KLHDC2: variants seen among roughly 807,000 people sequenced by gnomAD.
KLHDC2 encodes kelch domain containing 2.
A neutral mutation model predicts 62.3 loss-of-function variants in KLHDC2; 38 were observed. The ratio of observed to expected loss-of-function variants is 0.61; its 90% CI spans 0.47 to 0.80. KLHDC2 has a LOEUF of 0.80. Ranked by LOEUF, KLHDC2 falls within the 30% of genes least tolerant of loss-of-function variation. The probability of loss-of-function intolerance (pLI) is 0.00; values close to 1 mark genes in which losing one functional copy is unlikely to be tolerated. For synonymous variants in KLHDC2, 159 were observed against 161.0 expected (o/e 0.99, Z 0.09); for missense variants, 430 against 495.3 (o/e 0.87, Z 1.25).
Position 49,780,050 on chromosome 14 carries a change from CAAAG to C in KLHDC2, c.774-159_774-156del, listed in dbSNP as rs1033363247. The C allele has an allele frequency of 6.4e-6, 4 of 623,126 alleles. No homozygotes were observed. The African/African-American group carries it at 7.4e-5, about 11-fold the overall frequency. The allele number at this position is 623,126 out of a possible 1,614,324, so 38.6% of individuals were successfully genotyped here. A position where few individuals can be genotyped will look rare whatever the true frequency, so the allele number is the denominator to read the frequency against. ...AAAGGTCTGAAGTTGATTCTAACGT[CAAAG>C]AAAATATTTCAGTATAAAGCATGTA... On this transcript the variant is annotated intron_variant, in intron 8 of 12. Transcript: ENST00000298307.
chr14:49,777,004 A>C (rs1889787000), intron 3 of KLHDC2, among the ~76,000 whole-genome samples: 1 of 152,054 alleles, frequency 6.6e-6, no homozygotes, highest in Non-Finnish European at 1.5e-5. Flanking sequence ...CCAAATGCCC[A>C]CCAATCAACA....
chr14:49,785,176 A>C lies in KLHDC2; in HGVS notation c.*2223A>C. The C allele has an allele frequency of 1.2e-6, 2 of 1,602,966 alleles. No homozygotes were observed. Among genetic ancestry groups the C allele is most frequent in the Middle Eastern group, 1.7e-4 (1 of 6,034 alleles). ...ACATGTGTTACTAAATAGACGTTAC[A>C]AAACAATTCACAAAAGCCATTCTGT... On this transcript the variant is annotated 3_prime_UTR_variant, in exon 13 of 13. Coordinates refer to ENST00000298307, the MANE Select transcript of KLHDC2 (RefSeq NM_014315.3).
chr14:49,784,401 T>A lies in KLHDC2; in HGVS notation c.*1448T>A. 1 of 411,944 alleles carries A rather than the reference T, an allele frequency of 2.4e-6. No individual in the cohort carries two copies. The highest frequency in any genetic ancestry group is 4.3e-6 in the Non-Finnish European group (1 of 231,390). The allele number at this position is 411,944 out of a possible 1,614,324, so 25.5% of individuals were successfully genotyped here. A position where few individuals can be genotyped will look rare whatever the true frequency, so the allele number is the denominator to read the frequency against. ...AGAAAATGTAGAATAACTACAGATGTATATTAATTAGCATTTAACTGTCCA... is the reference window on the plus strand; with the variant it reads ...AGAAAATGTAGAATAACTACAGATGAATATTAATTAGCATTTAACTGTCCA... On this transcript the variant is annotated 3_prime_UTR_variant, in exon 13 of 13. Transcript: ENST00000298307.
rs1890013750 is a variant in KLHDC2, at chr14:49,783,506, G to A, written c.*553G>A. On this transcript the variant is annotated 3_prime_UTR_variant, in exon 13 of 13. Transcript: ENST00000298307. ...GAGCAAGTGGTCATGCTGAATACAGGCAGGTGCTGTCCAGTCAATTAAAAA... is the reference window on the plus strand; with the variant it reads ...GAGCAAGTGGTCATGCTGAATACAGACAGGTGCTGTCCAGTCAATTAAAAA... 6.6e-6 allele frequency: 1 copy of A among 152,038 alleles called. No individual in the cohort carries two copies. The highest frequency in any genetic ancestry group is 1.5e-5 in the Non-Finnish European group (1 of 68,028). 9.4% of individuals were successfully genotyped at this position (152,038 alleles called of 1,614,324 possible).
chr14:49,779,692 C>T lies in KLHDC2; in HGVS notation c.714+17C>T. On this transcript the variant is annotated intron_variant, in intron 7 of 12. Transcript: ENST00000298307. ...AGATATCGAGTAAGTATTCAAACGA[C>T]TTCAATGACTTGCTTTTGAATTCTT... 6.2e-7 allele frequency: 1 copy of T among 1,611,388 alleles called. No individual in the cohort carries two copies. Among genetic ancestry groups the T allele is most frequent in the Non-Finnish European group, 8.5e-7 (1 of 1,177,520 alleles).
Position 49,771,659 on chromosome 14 carries a change from G to T in KLHDC2, c.219G>T (p.Met73Ile), listed in dbSNP as rs1594698597. Residue 73 changes from methionine (M) to isoleucine (I), a missense_variant, in exon 2 of 13, where the codon ATG (methionine) becomes ATT (isoleucine). Transcript: ENST00000298307. ...GAGAAGAACTATGGATCTACAACAT[G>T]GAGACTGGAAGATGGTAAATGTGGA... ...LPREELWIYN[M>I]ETGRWKKINT... 4.0e-6 allele frequency: 6 copies of T among 1,505,184 alleles called. No homozygotes were observed. The highest frequency in any genetic ancestry group is 5.6e-6 in the Non-Finnish European group (6 of 1,080,914). The allele number at this position is 1,505,184 out of a possible 1,614,324, so 93.2% of individuals were successfully genotyped here.
intron 4 of KLHDC2, 110 bp downstream of exon 4, chr14:49,778,064 G>A (rs1467035939): frequency 3.3e-6 from 3 of 909,586 alleles, no homozygotes; most frequent in Non-Finnish European, 5.3e-6. Context: ...GGGCCCATAT[G>A]AAGATTAACT....
At chr14:49,777,792 ATTTC>A in intron 3 of KLHDC2, 43 bp from the exon 4 acceptor site, 1 of 999,882 alleles carries the variant, frequency 1.0e-6, no homozygotes, top group South Asian at 1.5e-5. Context: ...CTAAACTTGA[ATTTC>A]TTTCATAAAA....
intron 1 of KLHDC2, among the ~76,000 whole-genome samples, chr14:49,769,252 C>A (rs1426371190): frequency 6.6e-6 from 1 of 152,214 alleles, no homozygotes; most frequent in Admixed American, 6.5e-5. Flanking sequence ...ATCAAATGAA[C>A]TACAGAGTGC....
rs1301588553 is a variant in KLHDC2 at position 49,777,914 on chromosome 14, T to C, written c.427T>C (p.Ser143Pro). 6.2e-7 allele frequency: 1 copy of C among 1,612,318 alleles called. No individual in the cohort carries two copies. Among genetic ancestry groups the C allele is most frequent in the Non-Finnish European group, 8.5e-7 (1 of 1,178,890 alleles). ...AATTGATTGCCAAGGAATTCCTCCA[T>C]CATCAAAGGACAAACTTGGTGTCTG... is the stretch of plus-strand genomic sequence containing the variant. ...ERIDCQGIPP[S>P]SKDKLGVWVY... Residue 143 changes from serine to proline, a missense_variant, in exon 4 of 13, where the codon TCA (serine) becomes CCA (proline). Ser to Pro is a moderately conservative substitution (Grantham distance 74, BLOSUM62 -1). Transcript: ENST00000298307.
Position 49,784,784 on chromosome 14 carries a change from G to A in KLHDC2, c.*1831G>A, listed in dbSNP as rs1360849205. 1.1e-5 allele frequency: 16 copies of A among 1,477,086 alleles called. No homozygotes were observed. In the Admixed American group the frequency reaches 1.3e-4, roughly 12 times the overall value. 91.5% of individuals were successfully genotyped at this position (1,477,086 alleles called of 1,614,324 possible). On this transcript the variant is annotated 3_prime_UTR_variant, in exon 13 of 13. Transcript: ENST00000298307. Reference sequence around the variant, plus strand: ...ATCATGTTTCTTTTATGACAAAAACGAAAAACATTTCCAAACTTTTAGCTG... The same window carrying A: ...ATCATGTTTCTTTTATGACAAAAACAAAAAACATTTCCAAACTTTTAGCTG...
At position 49,779,684 on chromosome 14, in the gene KLHDC2, T is replaced by G; in HGVS notation, c.714+9T>G. The G allele has an allele frequency of 1.2e-6, 2 of 1,613,080 alleles. No individual in the cohort carries two copies. Among genetic ancestry groups the G allele is most frequent in the South Asian group, 1.1e-5 (1 of 91,070 alleles). ...TTGGAGGCAGATATCGAGTAAGTAT[T>G]CAAACGACTTCAATGACTTGCTTTT... On this transcript the variant is annotated intron_variant, in intron 7 of 12. Coordinates refer to ENST00000298307, the MANE Select transcript of KLHDC2 (RefSeq NM_014315.3).
intron 1 of KLHDC2, chr14:49,768,897 G>A: frequency 2.3e-6 from 1 of 427,740 alleles, no homozygotes; most frequent in South Asian, 3.5e-5. Context: ...TGCCATTGGA[G>A]CGTTATTCCG....
intron 11 of KLHDC2, 37 bp from the exon 12 acceptor site, chr14:49,782,505 T>G (rs1300647920): frequency 6.3e-7 from 1 of 1,599,726 alleles, no homozygotes. Flanking sequence ...TTGCAAAGCA[T>G]TTGCTTTTAA....
At chr14:49,779,190 T>C (rs1311678638) in intron 6 of KLHDC2, among the ~76,000 whole-genome samples, 3 of 152,338 alleles carry the variant, frequency 2.0e-5, no homozygotes, top group East Asian at 1.9e-4. Context: ...TCTCATATTT[T>C]GGATTTTCCG....
Position 49,768,638 on chromosome 14 carries a change from G to A in KLHDC2, c.153+17G>A, listed in dbSNP as rs964755302. On this transcript the variant is annotated intron_variant, in intron 1 of 12. Transcript: ENST00000298307. ...GGCTACAAGGTCAGTGAGTGGCCGG[G>A]CCGCGACGGACGTCGCTCGGCTGTG... 3.2e-6 allele frequency: 5 copies of A among 1,566,920 alleles called. No individual in the cohort carries two copies. In the Admixed American group the frequency reaches 5.5e-5, roughly 17 times the overall value.
intron 3 of KLHDC2, among the ~76,000 whole-genome samples, chr14:49,775,778 C>A (rs1022458694): frequency 5.3e-5 from 8 of 152,050 alleles, no homozygotes; most frequent in African/African-American, 1.7e-4. Flanking sequence ...AGGCATGCAT[C>A]ACTACGCCCA....
Position 49,784,482 on chromosome 14 carries a change from A to G in KLHDC2, c.*1529A>G. ...GTGTTTCCTCTATATAAAACTGGGA[A>G]AAAACAAGAAGTAAGTCCTTTTGGT... On this transcript the variant is annotated 3_prime_UTR_variant, in exon 13 of 13. Coordinates refer to ENST00000298307, the MANE Select transcript of KLHDC2 (RefSeq NM_014315.3). 3.4e-6 allele frequency: 2 copies of G among 590,278 alleles called. No individual in the cohort carries two copies. The highest frequency in any genetic ancestry group is 2.4e-5 in the South Asian group (1 of 41,810). 36.6% of individuals were successfully genotyped at this position (590,278 alleles called of 1,614,324 possible). A position where few individuals can be genotyped will look rare whatever the true frequency, so the allele number is the denominator to read the frequency against.
chr14:49,780,344 TAATG>T, intron 9 of KLHDC2, 22 bp downstream of exon 9: 1 of 1,390,036 alleles, frequency 7.2e-7, no homozygotes, highest in Non-Finnish European at 1.0e-6. Context: ...AAAAATATGA[TAATG>T]AAATCATCAT....
Sources: gnomAD v4.1 joint callset for allele counts (sites outside exome capture counted in the v4.1 genomes callset) on GRCh38, gnomAD v4.1.1 for gene constraint, MANE v1.5 for transcripts, NCBI Gene and HGNC (gene_info 2026-07-23, HGNC 2026-07-21) for gene names.